CHSY3: variants seen among roughly 807,000 people sequenced by gnomAD.
The protein encoded by CHSY3 is chondroitin sulfate synthase 3, also known as N-acetylgalactosaminyl-proteoglycan 3-beta-glucuronosyltransferase 3.
A neutral mutation model predicts 67.2 loss-of-function variants in CHSY3; 35 were observed. That is an observed-to-expected ratio of 0.52 (90% CI 0.40 to 0.69). CHSY3 has a LOEUF of 0.69. CHSY3 is among the 30% of genes least tolerant of loss of function. The probability of loss-of-function intolerance (pLI) is 0.00; values close to 1 mark genes in which losing one functional copy is unlikely to be tolerated. For missense variants in CHSY3, 1,069 were observed against 1,138.5 expected (o/e 0.94, Z 0.88); for synonymous variants, 474 against 434.7 (o/e 1.09, Z -1.12).
At chr5:129,953,682 T>C (rs760771575) in intron 2 of CHSY3, among the ~76,000 whole-genome samples, 77 of 152,244 alleles carry the variant, frequency 5.1e-4, no homozygotes, top group Non-Finnish European at 6.9e-4. Flanking sequence ...CTAACTGGTA[T>C]GAGATGGTAC....
chr5:130,093,042 C>G (rs1766932070), intron 2 of CHSY3, among the ~76,000 whole-genome samples: 2 of 152,130 alleles, frequency 1.3e-5, no homozygotes, highest in Non-Finnish European at 2.9e-5. Context: ...ACAAATGTAA[C>G]TTTCTCAAGT....
intron 2 of CHSY3, among the ~76,000 whole-genome samples, chr5:130,138,458 C>G (rs1286504583): frequency 6.6e-6 from 1 of 152,176 alleles, no homozygotes; most frequent in Non-Finnish European, 1.5e-5. Flanking sequence ...GTAGGGAACT[C>G]AGAGGCCAGC....
At chr5:130,013,743 G>A (rs772842371) in intron 2 of CHSY3, among the ~76,000 whole-genome samples, 27 of 152,182 alleles carry the variant, frequency 1.8e-4, no homozygotes, top group Non-Finnish European at 3.4e-4. Flanking sequence ...GCCTGCAATG[G>A]GAGGGTTGCG....
chr5:129,940,086 T>A (rs1761651611), intron 2 of CHSY3, among the ~76,000 whole-genome samples: 1 of 152,202 alleles, frequency 6.6e-6, no homozygotes, highest in African/African-American at 2.4e-5. Context: ...TCTAAATTCC[T>A]TTTTCCAGTT....
chr5:130,157,336 T>C (rs1769401034), intron 2 of CHSY3, among the ~76,000 whole-genome samples: 1 of 152,214 alleles, frequency 6.6e-6, no homozygotes, highest in African/African-American at 2.4e-5. Flanking sequence ...TATTATACCT[T>C]AATAGGACTG....
intron 2 of CHSY3, among the ~76,000 whole-genome samples, chr5:130,078,414 G>T (rs1766340065): frequency 6.6e-6 from 1 of 152,054 alleles, no homozygotes; most frequent in Admixed American, 6.6e-5. Context: ...ACATATCCCG[G>T]TCCCTGCAAA....
intron 2 of CHSY3, among the ~76,000 whole-genome samples, chr5:129,970,114 A>G (rs939955418): frequency 1.3e-5 from 2 of 151,612 alleles, no homozygotes; most frequent in African/African-American, 4.8e-5. Context: ...TTGCCTTACT[A>G]CTACATTTAA....
rs187669982 is a variant in CHSY3 at position 129,939,800 on chromosome 5, C to T, written c.1086+31440C>T. On this transcript the variant is annotated intron_variant, in intron 2 of 2. Transcript: ENST00000305031. ...TTTACTATCAATTAACATAGGAAATCTTTATAAGTGCTGCTTAAAGTTTAG... is the reference window on the plus strand; with the variant it reads ...TTTACTATCAATTAACATAGGAAATTTTTATAAGTGCTGCTTAAAGTTTAG... Among the ~76,000 whole-genome samples the T allele has an allele frequency of 1.8e-4, 27 of 152,246 alleles. No individual in the cohort carries two copies. In the East Asian group the frequency reaches 5.2e-3, roughly 29 times the overall value.
intron 2 of CHSY3, among the ~76,000 whole-genome samples, chr5:130,010,372 C>A (rs1196773699): frequency 6.6e-6 from 1 of 152,108 alleles, no homozygotes; most frequent in African/African-American, 2.4e-5. Context: ...ACAACCTGTT[C>A]CTGAAGGACT....
intron 2 of CHSY3, among the ~76,000 whole-genome samples, chr5:130,074,738 C>T (rs1766197348): frequency 6.6e-6 from 1 of 152,056 alleles, no homozygotes; most frequent in Non-Finnish European, 1.5e-5. Flanking sequence ...TTTACATTGA[C>T]ATAATGTTCA....
intron 2 of CHSY3, among the ~76,000 whole-genome samples, chr5:130,101,367 T>C (rs573874412): frequency 6.6e-6 from 1 of 152,278 alleles, no homozygotes; most frequent in South Asian, 2.1e-4. Context: ...TACAAGCTTC[T>C]CAGAAACATC....
Position 130,018,417 on chromosome 5 carries a change from G to A in CHSY3, c.1086+110057G>A, listed in dbSNP as rs528852422. Among the ~76,000 whole-genome samples, 41 of 152,120 alleles carry A rather than the reference G, an allele frequency of 2.7e-4. No homozygotes were observed. In the South Asian group the frequency reaches 5.0e-3, roughly 18 times the overall value. On this transcript the variant is annotated intron_variant, in intron 2 of 2. Transcript: ENST00000305031. ...ACCCCTGCATCTCCAGCTATTTAAC[G>A]CACTTCATGAATAACTTTGAAATGG...
chr5:130,022,496 A>C (rs983472414), intron 2 of CHSY3, among the ~76,000 whole-genome samples: 1 of 152,132 alleles, frequency 6.6e-6, no homozygotes, highest in Middle Eastern at 3.4e-3. Flanking sequence ...AGCAAAGTTA[A>C]AAGTATCTAG....
intron 2 of CHSY3, among the ~76,000 whole-genome samples, chr5:130,131,576 G>A (rs977225757): frequency 6.6e-6 from 1 of 152,036 alleles, no homozygotes; most frequent in African/African-American, 2.4e-5. Context: ...GAATAGACAA[G>A]GAAACTGAGG....
intron 2 of CHSY3, among the ~76,000 whole-genome samples, chr5:129,992,982 T>C (rs1452413546): frequency 6.6e-6 from 1 of 152,212 alleles, no homozygotes; most frequent in East Asian, 1.9e-4. Context: ...TTAAGTTCAA[T>C]GTTCTGAGGG....
chr5:130,080,218 A>C (rs2149686264), intron 2 of CHSY3, among the ~76,000 whole-genome samples: 1 of 152,194 alleles, frequency 6.6e-6, no homozygotes, highest in South Asian at 2.1e-4. Flanking sequence ...TCAAGGAAGT[A>C]GGTCAGACCT....
chr5:129,924,821 A>G (rs1761046287), intron 2 of CHSY3, among the ~76,000 whole-genome samples: 1 of 152,160 alleles, frequency 6.6e-6, no homozygotes, highest in Non-Finnish European at 1.5e-5. Flanking sequence ...TGCACTGCAT[A>G]GCATCCTCCA....
At chr5:130,096,900 T>A (rs559927584) in intron 2 of CHSY3, among the ~76,000 whole-genome samples, 5 of 152,336 alleles carry the variant, frequency 3.3e-5, no homozygotes, top group African/African-American at 1.2e-4. Flanking sequence ...CTTATCCTTA[T>A]AGTATTAACA....
chr5:130,077,184 G>T (rs1766294077), intron 2 of CHSY3, among the ~76,000 whole-genome samples: 1 of 151,864 alleles, frequency 6.6e-6, no homozygotes, highest in African/African-American at 2.4e-5. Context: ...GTTGGAAGAG[G>T]CATAAATGGT....
Sources: allele counts gnomAD v4.1 joint callset (sites outside exome capture counted in the v4.1 genomes callset), GRCh38; gene constraint gnomAD v4.1.1; transcripts MANE v1.5; gene names NCBI Gene and HGNC (gene_info 2026-07-23, HGNC 2026-07-21).